Variants in FOXP2 observed in about 807,000 individuals in gnomAD.
The protein encoded by FOXP2 is forkhead box P2.
Under a neutral mutation model 115.8 loss-of-function variants are expected in FOXP2, and 12 were observed. The ratio of observed to expected loss-of-function variants is 0.10; its 90% CI spans 0.07 to 0.17. FOXP2 has a LOEUF of 0.17. Ranked by LOEUF, FOXP2 falls within the 10% of genes least tolerant of loss-of-function variation. The probability of loss-of-function intolerance (pLI) is 1.00; values close to 1 mark genes in which losing one functional copy is unlikely to be tolerated. For synonymous variants in FOXP2, 328 were observed against 297.7 expected, an observed-to-expected ratio of 1.10 and a Z score of -1.05; for missense variants, 629 against 843.5, an observed-to-expected ratio of 0.75 and a Z score of 3.15.
chr7:114,569,190 TAGC>T (rs1163925079), intron 3 of FOXP2, among the ~76,000 whole-genome samples: 4 of 151,944 alleles, frequency 2.6e-5, no homozygotes, highest in African/African-American at 7.2e-5. Flanking sequence ...CCTTGTTAAA[TAGC>T]AGTCCAAAAA....
At chr7:114,571,901 ATGTAT>A (rs1801324511) in intron 3 of FOXP2, among the ~76,000 whole-genome samples, 1 of 151,710 alleles carries the variant, frequency 6.6e-6, no homozygotes, top group Non-Finnish European at 1.5e-5. Flanking sequence ...TTAAGAACTG[ATGTAT>A]TTATTTAGGC....
chr7:114,098,958 A>C (rs1799711030), intron 1 of FOXP2, among the ~76,000 whole-genome samples: 2 of 152,112 alleles, frequency 1.3e-5, no homozygotes, highest in African/African-American at 4.8e-5. Flanking sequence ...AACATGGTGA[A>C]ACCATGTCTC....
At chr7:114,355,760 T>C (rs1203096173) in intron 2 of FOXP2, among the ~76,000 whole-genome samples, 1 of 152,090 alleles carries the variant, frequency 6.6e-6, no homozygotes, top group Non-Finnish European at 1.5e-5. Flanking sequence ...AGTTGATGAA[T>C]GGGGGTGACT....
intron 3 of FOXP2, among the ~76,000 whole-genome samples, chr7:114,589,529 G>A (rs1802338558): frequency 6.6e-6 from 1 of 152,146 alleles, no homozygotes. Context: ...AAACTGCTCT[G>A]CTTATCTTTC....
At chr7:114,253,495 A>T (rs1256127551) in intron 1 of FOXP2, among the ~76,000 whole-genome samples, 1 of 152,130 alleles carries the variant, frequency 6.6e-6, no homozygotes, top group Non-Finnish European at 1.5e-5. Flanking sequence ...GTGCATATAT[A>T]TTTAGGATAG....
intron 2 of FOXP2, among the ~76,000 whole-genome samples, chr7:114,343,222 C>T (rs1216856107): frequency 2.0e-5 from 3 of 151,612 alleles, no homozygotes; most frequent in African/African-American, 7.3e-5. Context: ...ACATCTTCTA[C>T]ATCTTATTCC....
intron 8 of FOXP2, 98 bp downstream of exon 8, chr7:114,644,887 A>C: frequency 1.1e-6 from 1 of 931,626 alleles, no homozygotes; most frequent in Non-Finnish European, 1.7e-6. Flanking sequence ...AGGAATGTAA[A>C]AGTCCATTAT....
chr7:114,514,863 C>T (rs2129264718), intron 2 of FOXP2, among the ~76,000 whole-genome samples: 1 of 151,184 alleles, frequency 6.6e-6, no homozygotes, highest in African/African-American at 2.4e-5. Flanking sequence ...GCTATCCCTC[C>T]CCCTTCCCCC....
intron 3 of FOXP2, among the ~76,000 whole-genome samples, chr7:114,540,607 A>G (rs1007072182): frequency 6.6e-6 from 1 of 152,088 alleles, no homozygotes; most frequent in East Asian, 1.9e-4. Context: ...AGAAATGGGA[A>G]AAACAGAAAG....
At chr7:114,271,887 A>G (rs1487860364) in intron 1 of FOXP2, among the ~76,000 whole-genome samples, 1 of 127,128 alleles carries the variant, frequency 7.9e-6, no homozygotes, top group Non-Finnish European at 1.6e-5. Context: ...TATTAATTAT[A>G]AACATTAATA....
intron 3 of FOXP2, among the ~76,000 whole-genome samples, chr7:114,572,865 G>A (rs961342389): frequency 2.0e-5 from 3 of 151,846 alleles, no homozygotes; most frequent in African/African-American, 7.3e-5. Context: ...TTCACCAGAG[G>A]CCATGTAATT....
intron 2 of FOXP2, among the ~76,000 whole-genome samples, chr7:114,437,168 G>C (rs150743006): frequency 5.6e-4 from 85 of 152,226 alleles, no homozygotes; most frequent in African/African-American, 2.0e-3. Flanking sequence ...TATTGTGGTT[G>C]ATTTTTAGTA....
chr7:114,313,541 C>A (rs1334680834), intron 2 of FOXP2, among the ~76,000 whole-genome samples: 1 of 111,526 alleles, frequency 9.0e-6, no homozygotes, highest in African/African-American at 5.7e-5. Flanking sequence ...GTCAGGAGAT[C>A]GAGACCATCC....
At position 114,426,580 on chromosome 7, in the gene FOXP2, A is replaced by G. The variant is rs769591194; in HGVS notation, c.69A>G (p.Leu23=). 1 of 1,611,716 alleles carries G rather than the reference A, an allele frequency of 6.2e-7. No individual in the cohort carries two copies. Among genetic ancestry groups the G allele is most frequent in the South Asian group, 1.1e-5 (1 of 91,046 alleles). Residue 23 remains leucine, a synonymous_variant, in exon 2 of 17, where the codon CTA becomes CTG. Transcript: ENST00000350908. ...TGAATCAAAATGGAATGAGCACTCTAAGCAGCCAATTAGATGCTGGCAGCA... is the reference window on the plus strand; with the variant it reads ...TGAATCAAAATGGAATGAGCACTCTGAGCAGCCAATTAGATGCTGGCAGCA... ...SSMNQNGMST[L]SSQLDAGSRD...
At chr7:114,153,509 A>G (rs1792577646) in intron 1 of FOXP2, among the ~76,000 whole-genome samples, 1 of 152,084 alleles carries the variant, frequency 6.6e-6, no homozygotes, top group African/African-American at 2.4e-5. Flanking sequence ...TCTGACATGG[A>G]GTTACTATGA....
At chr7:114,634,056 G>A (rs1329113686) in intron 6 of FOXP2, among the ~76,000 whole-genome samples, 2 of 151,532 alleles carry the variant, frequency 1.3e-5, no homozygotes, top group Non-Finnish European at 2.9e-5. Flanking sequence ...GTGCAGTGAC[G>A]CTAACTTAGT....
intron 2 of FOXP2, among the ~76,000 whole-genome samples, chr7:114,517,114 T>A (rs1372712906): frequency 1.3e-5 from 2 of 152,144 alleles, no homozygotes; most frequent in Non-Finnish European, 2.9e-5. Flanking sequence ...ATGTTGAGCA[T>A]TTTTTATATA....
chr7:114,417,590 G>A (rs1793406130), intron 1 of FOXP2, among the ~76,000 whole-genome samples: 1 of 151,918 alleles, frequency 6.6e-6, no homozygotes, highest in Admixed American at 6.6e-5. Flanking sequence ...CTTAAAGCAA[G>A]TTGAATTGGG....
intron 1 of FOXP2, among the ~76,000 whole-genome samples, chr7:114,279,017 A>C (rs367721956): frequency 2.6e-5 from 4 of 152,284 alleles, no homozygotes; most frequent in African/African-American, 9.6e-5. Flanking sequence ...ATTAGAATAG[A>C]AGGTGGAGGT....
Sources: allele counts gnomAD v4.1 joint callset (sites outside exome capture counted in the v4.1 genomes callset), GRCh38; gene constraint gnomAD v4.1.1; transcripts MANE v1.5; gene names NCBI Gene and HGNC (gene_info 2026-07-23, HGNC 2026-07-21).